Variants in YEATS4 observed in about 807,000 individuals in gnomAD.
YEATS4 encodes YEATS domain-containing protein 4.
In YEATS4, 17 loss-of-function variants were observed where a neutral mutation model predicts 30.1. That is an observed-to-expected ratio of 0.56 (90% CI 0.39 to 0.85). The LOEUF (loss-of-function observed/expected upper bound fraction) is 0.85. Ranked by LOEUF, YEATS4 falls within the 40% of genes least tolerant of loss-of-function variation. The pLI is 0.00. For synonymous variants in YEATS4, 85 were observed against 87.5 expected, an observed-to-expected ratio of 0.97 and a Z score of 0.16; for missense variants, 142 against 268.3, an observed-to-expected ratio of 0.53 and a Z score of 3.29.
chr12:69,368,902 C>T (rs1434788594), intron 4 of YEATS4, among the ~76,000 whole-genome samples: 1 of 152,094 alleles, frequency 6.6e-6, no homozygotes, highest in Non-Finnish European at 1.5e-5. Context: ...CTGCAAAGAC[C>T]CTGTTTCCAA....
At chr12:69,399,362 C>T in the YEATS4 span, among the ~76,000 whole-genome samples, 1 of 152,250 alleles carries the variant, frequency 6.6e-6, no homozygotes, top group Admixed American at 6.5e-5. Context: ...ATACACATTT[C>T]TCCAAAGAAG....
At chr12:69,367,370 AT>A (rs34098313) in intron 4 of YEATS4, among the ~76,000 whole-genome samples, 22 of 150,616 alleles carry the variant, frequency 1.5e-4, no homozygotes, top group South Asian at 4.2e-4. Context: ...TTTGGCAATA[AT>A]TTTTTTTTTC....
At chr12:69,427,030 T>C in the YEATS4 span, among the ~76,000 whole-genome samples, 1 of 152,184 alleles carries the variant, frequency 6.6e-6, no homozygotes, top group African/African-American at 2.4e-5. Flanking sequence ...TGTTTGGCTA[T>C]CTTAATGCCA....
At chr12:69,363,976 T>A (rs1211406579) in intron 2 of YEATS4, among the ~76,000 whole-genome samples, 1 of 152,240 alleles carries the variant, frequency 6.6e-6, no homozygotes, top group East Asian at 1.9e-4. Flanking sequence ...CCAAATATTA[T>A]ATGCTTTTAT....
chr12:69,389,961 C>T (rs1437605951), intron 6 of YEATS4, among the ~76,000 whole-genome samples, 186 bp from the exon 7 acceptor site: 1 of 152,058 alleles, frequency 6.6e-6, no homozygotes, highest in Non-Finnish European at 1.5e-5. Context: ...CATCTTAGAT[C>T]CTCTCTTGGG....
chr12:69,425,286 A>T, the YEATS4 span, among the ~76,000 whole-genome samples: 2 of 152,116 alleles, frequency 1.3e-5, no homozygotes, highest in East Asian at 3.9e-4. Context: ...TGTTTTCTTT[A>T]TCTTAGTGCT....
At chr12:69,392,432 A>G (rs189579852), downstream of YEATS4, among the ~76,000 whole-genome samples, 11 of 152,348 alleles carry the variant, frequency 7.2e-5, no homozygotes, top group Admixed American at 5.9e-4. Flanking sequence ...TTGTACATCA[A>G]TGTTCATAGC....
intron 6 of YEATS4, among the ~76,000 whole-genome samples, chr12:69,388,088 C>T (rs1444573464): frequency 1.3e-5 from 2 of 149,722 alleles, no homozygotes; most frequent in African/African-American, 2.5e-5. Flanking sequence ...GGCAGAGTCT[C>T]GCGCTGTCGC....
intron 6 of YEATS4, 31 bp from the exon 7 acceptor site, chr12:69,390,116 A>G: frequency 6.5e-7 from 1 of 1,542,422 alleles, no homozygotes; most frequent in African/African-American, 1.4e-5. Flanking sequence ...TGTGAGAAAA[A>G]TACTTTAGTA....
chr12:69,373,599 C>T (rs1875730280), intron 6 of YEATS4, among the ~76,000 whole-genome samples: 2 of 151,880 alleles, frequency 1.3e-5, no homozygotes, highest in African/African-American at 4.9e-5. Flanking sequence ...TTTGTTGTTT[C>T]CTTTGTGGTA....
the YEATS4 span, among the ~76,000 whole-genome samples, chr12:69,397,119 TA>T: frequency 2.4e-4 from 36 of 152,076 alleles, no homozygotes; most frequent in Non-Finnish European, 4.3e-4. Context: ...TCCAGCAACA[TA>T]AAAAGGATAA....
Position 69,365,587 on chromosome 12 carries a change from G to A in YEATS4, c.172-46G>A, listed in dbSNP as rs201893522. 6 of 1,402,352 alleles carry A rather than the reference G, an allele frequency of 4.3e-6. No individual in the cohort carries two copies. In the African/African-American group the frequency reaches 8.7e-5, roughly 20 times the overall value. 86.9% of individuals were successfully genotyped at this position (1,402,352 alleles called of 1,614,324 possible). ...TACGCTCAGTGTATTTTTTTTCCTA[G>A]TTTTCATTTGTAGATCATAAAACTA... On this transcript the variant is annotated intron_variant, in intron 2 of 6. Coordinates refer to ENST00000247843, the MANE Select transcript of YEATS4 (RefSeq NM_006530.4).
chr12:69,362,917 C>G lies in YEATS4; in HGVS notation c.171+10C>G. The G allele has an allele frequency of 2.0e-6, 3 of 1,471,524 alleles. No individual in the cohort carries two copies. Among genetic ancestry groups the G allele is most frequent in the Non-Finnish European group, 2.7e-6 (3 of 1,104,716 alleles). The allele number at this position is 1,471,524 out of a possible 1,614,324, so 91.2% of individuals were successfully genotyped here. A position where few individuals can be genotyped will look rare whatever the true frequency, so the allele number is the denominator to read the frequency against. On this transcript the variant is annotated intron_variant, in intron 2 of 6. Transcript: ENST00000247843. ...ACCATATAGAAATGAGGTAGGCACT[C>G]GTTTTTTCTGTAACTGTTTTACTTA...
At chr12:69,391,851 G>C (rs1192542249), downstream of YEATS4, among the ~76,000 whole-genome samples, 2 of 152,152 alleles carry the variant, frequency 1.3e-5, no homozygotes, top group African/African-American at 4.8e-5. Context: ...CATTATTCTA[G>C]TCAGCTGCCC....
intron 6 of YEATS4, among the ~76,000 whole-genome samples, chr12:69,383,501 TAA>T (rs900611235): frequency 2.0e-5 from 3 of 152,058 alleles, no homozygotes; most frequent in African/African-American, 4.8e-5. Context: ...CTCCAAAATT[TAA>T]AGATTGAGGA....
intron 6 of YEATS4, among the ~76,000 whole-genome samples, chr12:69,371,862 A>G (rs1015581106): frequency 1.3e-5 from 2 of 152,218 alleles, no homozygotes; most frequent in Admixed American, 6.5e-5. Context: ...AGATACTGAT[A>G]TCAAAATGTC....
intron 1 of YEATS4, among the ~76,000 whole-genome samples, chr12:69,360,874 T>C (rs553515694): frequency 4.3e-4 from 66 of 151,966 alleles, no homozygotes; most frequent in Non-Finnish European, 8.1e-4. Context: ...TAGTTGTTTT[T>C]ATCAGGAGCC....
At chr12:69,409,401 G>T in the YEATS4 span, among the ~76,000 whole-genome samples, 3 of 152,096 alleles carry the variant, frequency 2.0e-5, no homozygotes, top group African/African-American at 7.2e-5. Context: ...CGGATCCCTT[G>T]AGGCTAGGAG....
At chr12:69,400,084 AAAC>A in the YEATS4 span, among the ~76,000 whole-genome samples, 12 of 152,282 alleles carry the variant, frequency 7.9e-5, no homozygotes, top group African/African-American at 2.6e-4. Context: ...AATATACTAA[AAAC>A]AACTGACTTG....
Sources: gnomAD v4.1 joint callset for allele counts (sites outside exome capture counted in the v4.1 genomes callset) on GRCh38, gnomAD v4.1.1 for gene constraint, MANE v1.5 for transcripts, NCBI Gene and HGNC (gene_info 2026-07-23, HGNC 2026-07-21) for gene names.